USP24: variants seen among roughly 807,000 people sequenced by gnomAD.
The protein encoded by USP24 is ubiquitin carboxyl-terminal hydrolase 24.
USP24 carries 97 observed loss-of-function variants against 361.6 expected under a neutral mutation model. The ratio of observed to expected loss-of-function variants is 0.27; its 90% CI spans 0.23 to 0.32. USP24 has a LOEUF of 0.32. USP24 is among the 10% of genes least tolerant of loss of function. The pLI is 1.00. For synonymous variants in USP24, 1,098 were observed against 1,124.6 expected, an observed-to-expected ratio of 0.98 and a Z score of 0.47; for missense variants, 2,353 against 3,165.6, an observed-to-expected ratio of 0.74 and a Z score of 6.16.
intron 43 of USP24, 73 bp downstream of exon 43, chr1:55,101,511 A>C (rs955500525): frequency 1.3e-6 from 2 of 1,541,226 alleles, no homozygotes; most frequent in Non-Finnish European, 1.7e-6. Context: ...AAAGCAATAA[A>C]AAACTATGAA....
At position 55,159,032 on chromosome 1, in the gene USP24, A is replaced by G; in HGVS notation, c.1073T>C (p.Leu358Ser). ...AGACAAGAGCTCAGGGATGCTAACC[A>G]ATCTCTTTTATTGAATAAAAACAAA... ...VEEKDLKDKR[L>S]VSIPELLSAV... The change falls in exon 10 of 68, where the codon TTG becomes TCG. Residue 358 changes from leucine to serine, a missense_variant. Coordinates refer to ENST00000294383, the MANE Select transcript of USP24 (RefSeq NM_015306.3). 1 of 1,515,276 alleles carries G rather than the reference A, an allele frequency of 6.6e-7. No homozygotes were observed. Among genetic ancestry groups the G allele is most frequent in the Non-Finnish European group, 8.8e-7 (1 of 1,130,150 alleles). 93.9% of individuals were successfully genotyped at this position (1,515,276 alleles called of 1,614,324 possible).
chr1:55,127,357 G>A (rs555692942), intron 32 of USP24, among the ~76,000 whole-genome samples: 1 of 152,166 alleles, frequency 6.6e-6, no homozygotes, highest in South Asian at 2.1e-4. Flanking sequence ...TGAGAATGAT[G>A]ATTTCCAATT....
Position 55,158,990 on chromosome 1 carries a change from C to T in USP24, c.1115G>A (p.Cys372Tyr), listed in dbSNP as rs1647986466. 6 of 1,587,642 alleles carry T rather than the reference C, an allele frequency of 3.8e-6. No homozygotes were observed. Among genetic ancestry groups the T allele is most frequent in the Non-Finnish European group, 5.2e-6 (6 of 1,164,756 alleles). Residue 372 changes from cysteine to tyrosine, a missense_variant, in exon 10 of 68, where the codon TGC becomes TAC. Physicochemically the swap from Cys to Tyr is radical, Grantham distance 194 (BLOSUM62 -2). Coordinates refer to ENST00000294383, the MANE Select transcript of USP24 (RefSeq NM_015306.3). ...CACCAGATCCGGTTGGAAGCGCATG[C>T]AAAGTAACTTAACGGCAGACAAGAG... ...PELLSAVKLL[C>Y]MRFQPDLVTI...
intron 31 of USP24, among the ~76,000 whole-genome samples, chr1:55,132,100 T>C (rs1646610091): frequency 6.6e-6 from 1 of 152,206 alleles, no homozygotes; most frequent in Admixed American, 6.5e-5. Context: ...CAATTAAATG[T>C]ATTAAAGCTT....
chr1:55,141,899 T>C (rs1037063752), intron 23 of USP24, among the ~76,000 whole-genome samples, 168 bp from the exon 24 acceptor site: 1 of 152,178 alleles, frequency 6.6e-6, no homozygotes, highest in Non-Finnish European at 1.5e-5. Flanking sequence ...AGGATGCTTC[T>C]AGTTGGACAA....
chr1:55,088,210 T>C (rs926627010), intron 55 of USP24, among the ~76,000 whole-genome samples: 2 of 152,168 alleles, frequency 1.3e-5, no homozygotes, highest in African/African-American at 4.8e-5. Context: ...AGATATCAAG[T>C]AGGCAAATAA....
chr1:55,137,451 G>A lies in USP24; in HGVS notation c.3201+64C>T. On this transcript the variant is annotated intron_variant, in intron 28 of 67. Transcript: ENST00000294383. ...AGCATTTGTTATACAGTTTGGAAGA[G>A]TCAGAACAAAAAGACAGTGACTGTT... The A allele has an allele frequency of 3.3e-6, 5 of 1,531,134 alleles. No homozygotes were observed. In the South Asian group the frequency reaches 6.3e-5, roughly 19 times the overall value. 94.8% of individuals were successfully genotyped at this position (1,531,134 alleles called of 1,614,324 possible).
At chr1:55,141,122 A>C (rs1646876548) in intron 24 of USP24, among the ~76,000 whole-genome samples, 1 of 152,180 alleles carries the variant, frequency 6.6e-6, no homozygotes. Flanking sequence ...TATAGTCACT[A>C]ATCATATGCA....
At chr1:55,092,210 C>T (rs1411207119) in intron 53 of USP24, 84 bp from the exon 54 acceptor site, 8 of 866,832 alleles carry the variant, frequency 9.2e-6, no homozygotes, top group Non-Finnish European at 1.5e-5. Flanking sequence ...TTATGATACA[C>T]ACACAATATA....
intron 16 of USP24, among the ~76,000 whole-genome samples, chr1:55,151,264 A>G (rs1647184528): frequency 6.6e-6 from 1 of 152,176 alleles, no homozygotes; most frequent in Admixed American, 6.6e-5. Flanking sequence ...GTTTTTCCAG[A>G]CCTATCCTTC....
At chr1:55,196,198 C>T (rs1644412438) in intron 1 of USP24, among the ~76,000 whole-genome samples, 1 of 152,090 alleles carries the variant, frequency 6.6e-6, no homozygotes, top group African/African-American at 2.4e-5. Context: ...GTTCCTCACC[C>T]CACCAGCCAC....
Position 55,138,642 on chromosome 1 carries a change from G to A in USP24, c.2894C>T (p.Thr965Ile), listed in dbSNP as rs376660055. Residue 965 changes from threonine to isoleucine, a missense_variant, in exon 26 of 68, where the codon ACC (threonine) becomes ATC (isoleucine). This residue lies in a region of USP24 where 949 missense variants were observed against 1,280.5 expected (regional missense o/e 0.74). Coordinates refer to ENST00000294383, the MANE Select transcript of USP24 (RefSeq NM_015306.3). ...GAAGGTATCTTTGGTAGACTCATAG[G>A]TAACATTAAGGGTTAAAAGATGTCC... ...FHGHLLTLNV[T>I]YESTKDTFTV... 2.5e-6 allele frequency: 4 copies of A among 1,612,606 alleles called. No individual in the cohort carries two copies. The highest frequency in any genetic ancestry group is 1.1e-5 in the South Asian group (1 of 90,956).
chr1:55,166,678 T>C (rs914830648), intron 5 of USP24, 75 bp from the exon 6 acceptor site: 2 of 1,346,036 alleles, frequency 1.5e-6, no homozygotes, highest in Non-Finnish European at 2.0e-6. Flanking sequence ...TCTTTTATCC[T>C]AAATGAAAAG....
chr1:55,184,233 T>A (rs566617760), intron 1 of USP24, among the ~76,000 whole-genome samples: 1 of 152,230 alleles, frequency 6.6e-6, no homozygotes, highest in East Asian at 1.9e-4. Context: ...ATTTTTGTAT[T>A]TTTTATAGAG....
intron 36 of USP24, among the ~76,000 whole-genome samples, chr1:55,122,746 G>C (rs901088157): frequency 6.6e-6 from 1 of 152,166 alleles, no homozygotes; most frequent in Admixed American, 6.5e-5. Flanking sequence ...TTTTTGGCCA[G>C]AGCAACCGGA....
intron 1 of USP24, among the ~76,000 whole-genome samples, chr1:55,199,242 T>A (rs980118296): frequency 6.6e-6 from 1 of 152,038 alleles, no homozygotes; most frequent in Non-Finnish European, 1.5e-5. Flanking sequence ...TGAGCCAAGA[T>A]TGCACCACTG....
chr1:55,208,762 C>T (rs1320697436), intron 1 of USP24, among the ~76,000 whole-genome samples: 1 of 151,816 alleles, frequency 6.6e-6, no homozygotes, highest in South Asian at 2.1e-4. Context: ...ATGGTGAAAC[C>T]CCATTTCTAC....
Position 55,079,778 on chromosome 1 carries a change from A to AGAGTACTCACACACT in USP24, c.7079-134_7079-120dup, listed in dbSNP as rs772448865. 74 of 1,339,776 alleles carry AGAGTACTCACACACT rather than the reference A, an allele frequency of 5.5e-5. 1 individual carries two copies. Among genetic ancestry groups the AGAGTACTCACACACT allele is most frequent in the Admixed American group, 9.7e-5 (3 of 31,050 alleles). 83.0% of individuals were successfully genotyped at this position (1,339,776 alleles called of 1,614,324 possible). On this transcript the variant is annotated intron_variant, in intron 59 of 67. Transcript: ENST00000294383. Reference sequence around the variant, plus strand: ...TCGCACACACACTGAGTACTCTCACAGAGTACTCACACACTGAGTACTCAC... The same window carrying AGAGTACTCACACACT: ...TCGCACACACACTGAGTACTCTCACAGAGTACTCACACACTGAGTACTCACACACTGAGTACTCAC...
intron 1 of USP24, among the ~76,000 whole-genome samples, chr1:55,212,034 C>A (rs1013690903): frequency 5.9e-5 from 9 of 152,096 alleles, no homozygotes; most frequent in African/African-American, 2.2e-4. Flanking sequence ...AAAGAGAGCC[C>A]GAAAGAGTGC....
Sources: gnomAD v4.1 joint callset for allele counts (sites outside exome capture counted in the v4.1 genomes callset) on GRCh38, gnomAD v4.1.1 for gene constraint, gnomAD v4.1.1 regional missense constraint, MANE v1.5 for transcripts, NCBI Gene and HGNC (gene_info 2026-07-23, HGNC 2026-07-21) for gene names.